The following FOCAD variants were observed in gnomAD, a reference collection of about 807,000 sequenced individuals.
FOCAD encodes the protein KIAA1797.
A neutral mutation model predicts 225.6 loss-of-function variants in FOCAD; 198 were observed. That is an observed-to-expected ratio of 0.88 (90% CI 0.78 to 0.99). FOCAD has a LOEUF of 0.99. Ranked by LOEUF, FOCAD falls within the 50% of genes least tolerant of loss-of-function variation. The probability of loss-of-function intolerance (pLI) is 0.00; values close to 1 mark genes in which losing one functional copy is unlikely to be tolerated. For synonymous variants in FOCAD, 897 were observed against 755.0 expected (o/e 1.19, Z -3.08); for missense variants, 2,713 against 2,123.6 (o/e 1.28, Z -5.46).
At chr9:20,934,577 CTATTCTGTTCCGTTGT>C (rs2132238401) in intron 28 of FOCAD, among the ~76,000 whole-genome samples, 1 of 151,294 alleles carries the variant, frequency 6.6e-6, no homozygotes, top group South Asian at 2.1e-4. Flanking sequence ...TCTGGGTTAT[CTATTCTGTTCCGTTGT>C]TCTATGTGCC....
In FOCAD at chr9:20,842,181, T is replaced by C. The variant is rs868797138; in HGVS notation, c.1920+19066T>C. On this transcript the variant is annotated intron_variant, in intron 15 of 43. Coordinates refer to ENST00000338382, the MANE Select transcript of FOCAD (RefSeq NM_001375567.1). The stretch of plus-strand genomic sequence containing the variant: ...TGTGGCCTAACCTTTGGTCTATCCA[T>C]GAAAATGATCTCTGTGCTTAGGAGA... Among the ~76,000 whole-genome samples, 9 of 152,066 alleles carry C rather than the reference T, an allele frequency of 5.9e-5. No individual in the cohort carries two copies. The South Asian group carries it at 1.5e-3, about 25-fold the overall frequency.
chr9:20,916,917 G>C lies in FOCAD; in HGVS notation c.2832G>C (p.Glu944Asp), dbSNP rs773217224. The C allele has an allele frequency of 8.7e-6, 14 of 1,604,554 alleles. No individual in the cohort carries two copies. Among genetic ancestry groups the C allele is most frequent in the Non-Finnish European group, 1.2e-5 (14 of 1,176,736 alleles). ...WLWVRDMLTD[E>D]ITKAAAKESP... ...GGGTTAGAGACATGCTGACTGATGA[G>C]ATCACCAAGGCAGCTGCAAAGTAAG... The change falls in exon 24 of 44, where the codon GAG becomes GAC. Residue 944 changes from glutamate (E) to aspartate (D), a missense_variant. Coordinates refer to ENST00000338382, the MANE Select transcript of FOCAD (RefSeq NM_001375567.1).
At chr9:20,963,036 A>G (rs1358776045) in intron 35 of FOCAD, among the ~76,000 whole-genome samples, 2 of 152,184 alleles carry the variant, frequency 1.3e-5, no homozygotes, top group Non-Finnish European at 2.9e-5. Context: ...TCCAGAATGC[A>G]TGAAACTGCC....
chr9:20,670,873 G>A (rs1822044703), intron 2 of FOCAD, among the ~76,000 whole-genome samples: 1 of 152,156 alleles, frequency 6.6e-6, no homozygotes, highest in Admixed American at 6.5e-5. Flanking sequence ...AGAACTGAAT[G>A]ATTTTTGGAT....
At chr9:20,695,536 A>C (rs1243362946) in intron 1 of FOCAD, among the ~76,000 whole-genome samples, 2 of 151,988 alleles carry the variant, frequency 1.3e-5, no homozygotes, top group Admixed American at 6.6e-5. Flanking sequence ...CCCTCATCCT[A>C]CATTTATACA....
At chr9:20,799,424 T>C (rs557214166) in intron 11 of FOCAD, among the ~76,000 whole-genome samples, 6 of 152,320 alleles carry the variant, frequency 3.9e-5, no homozygotes, top group East Asian at 1.9e-4. Context: ...GTCTCGTTGA[T>C]CTGTCTAATG....
chr9:20,752,723 G>A (rs989015930), intron 5 of FOCAD, among the ~76,000 whole-genome samples: 6 of 152,082 alleles, frequency 3.9e-5, no homozygotes, highest in Non-Finnish European at 5.9e-5. Flanking sequence ...GCTGGGGATG[G>A]CATTGAATGT....
In FOCAD at chr9:20,978,401, G is replaced by A; in HGVS notation, c.4324G>A (p.Ala1442Thr). 7 of 1,612,256 alleles carry A rather than the reference G, an allele frequency of 4.3e-6. No homozygotes were observed. The highest frequency in any genetic ancestry group is 5.9e-6 in the Non-Finnish European group (7 of 1,179,084). The change falls in exon 37 of 44, where the codon GCA becomes ACA. Residue 1442 changes from alanine to threonine, a missense_variant. Transcript: ENST00000338382. Reference sequence around the variant, plus strand: ...GACCCAGGCACAGTCATCCCAGAATGCAGCTGCACTATTGGGCTTGTGGGT... The same window carrying A: ...GACCCAGGCACAGTCATCCCAGAATACAGCTGCACTATTGGGCTTGTGGGT... ...MVTQAQSSQNAAALLGLWVTP... is the reference protein window; with the variant it reads ...MVTQAQSSQNTAALLGLWVTP...
Position 20,981,426 on chromosome 9 carries a change from C to T in FOCAD, c.4378C>T (p.Leu1460=). 6.2e-7 allele frequency: 1 copy of T among 1,613,688 alleles called. No individual in the cohort carries two copies. The highest frequency in any genetic ancestry group is 8.5e-7 in the Non-Finnish European group (1 of 1,179,642). Residue 1460 remains leucine, a splice_region_variant and synonymous_variant, in exon 38 of 44, where the codon CTG becomes TTG. Transcript: ENST00000338382. ...VTPPLIHSLS[L]NTKRYLLISA... ...TCAACCCCTTCTGTTTTACTTCCAG[C>T]TGAATACCAAGAGATATCTCCTGAT...
intron 15 of FOCAD, among the ~76,000 whole-genome samples, chr9:20,849,844 AAAG>A (rs1412811830): frequency 6.6e-6 from 1 of 151,846 alleles, no homozygotes; most frequent in African/African-American, 2.4e-5. Context: ...TACTCTGCAA[AAAG>A]AAGGCCTATC....
intron 15 of FOCAD, among the ~76,000 whole-genome samples, chr9:20,833,214 C>A (rs1825683111): frequency 6.6e-6 from 1 of 151,920 alleles, no homozygotes; most frequent in Admixed American, 6.6e-5. Context: ...GGTGATATCT[C>A]ATAGTGGTTT....
At chr9:20,944,832 A>G in intron 29 of FOCAD, 58 bp downstream of exon 29, 2 of 1,519,822 alleles carry the variant, frequency 1.3e-6, no homozygotes, top group Non-Finnish European at 8.9e-7. Flanking sequence ...TCTTCTTGCC[A>G]CTTATTTTGG....
Position 20,780,801 on chromosome 9 carries a change from T to C in FOCAD, c.995-926T>C, listed in dbSNP as rs556628134. 2.6e-4 allele frequency among the ~76,000 whole-genome samples: 40 copies of C among 152,348 alleles called. No homozygotes were observed. In the South Asian group the frequency reaches 8.1e-3, roughly 31 times the overall value. On this transcript the variant is annotated intron_variant, in intron 9 of 43. Coordinates refer to ENST00000338382, the MANE Select transcript of FOCAD (RefSeq NM_001375567.1). ...TATTAAAGATAATGGATTTTCATAA[T>C]ATCTCAGAAACAATTATGGATTAAG...
chr9:20,793,704 A>G (rs1225111511), intron 11 of FOCAD, among the ~76,000 whole-genome samples: 2 of 152,116 alleles, frequency 1.3e-5, no homozygotes, highest in Non-Finnish European at 2.9e-5. Context: ...CTTCCAACTG[A>G]TATCAGGGAC....
chr9:20,848,665 A>G (rs1827356433), intron 15 of FOCAD, among the ~76,000 whole-genome samples: 1 of 151,960 alleles, frequency 6.6e-6, no homozygotes, highest in African/African-American at 2.4e-5. Context: ...ACTATAAACC[A>G]CAGGGTTAAC....
At position 20,968,474 on chromosome 9, in the gene FOCAD, C is replaced by T. The variant is rs1301852267; in HGVS notation, c.4133-7946C>T. On this transcript the variant is annotated intron_variant, in intron 35 of 43. Transcript: ENST00000338382. The stretch of plus-strand genomic sequence containing the variant: ...TTTTTTTGGGAGAGTTAGAGTATTG[C>T]TGTGTCGCCCAGGCTGGAGTACAAT... 5.2e-5 allele frequency among the ~76,000 whole-genome samples: 5 copies of T among 95,320 alleles called. No homozygotes were observed. The Admixed American group carries it at 8.8e-4, about 17-fold the overall frequency. The allele number at this position is 95,320 out of a possible 152,430, so 62.5% of individuals were successfully genotyped here.
intron 2 of FOCAD, among the ~76,000 whole-genome samples, chr9:20,717,362 C>T (rs1445879132): frequency 3.3e-5 from 5 of 152,176 alleles, no homozygotes; most frequent in African/African-American, 1.2e-4. Context: ...TGTTGCTAGC[C>T]TATTGGCTCT....
At chr9:20,741,699 A>G (rs1463919079) in intron 5 of FOCAD, among the ~76,000 whole-genome samples, 2 of 10,420 alleles carry the variant, frequency 1.9e-4, no homozygotes, top group Non-Finnish European at 5.1e-4. Context: ...TTTTTTTTTT[A>G]ACATAGTGGT....
chr9:20,680,607 T>C (rs142332464), upstream of FOCAD, among the ~76,000 whole-genome samples: 266 of 152,196 alleles, frequency 1.7e-3, no homozygotes, highest in Middle Eastern at 0.024. Context: ...AGCAAGCTAT[T>C]CAATAGGTAT....
Sources: allele counts gnomAD v4.1 joint callset (sites outside exome capture counted in the v4.1 genomes callset), GRCh38; gene constraint gnomAD v4.1.1; transcripts MANE v1.5; gene names NCBI Gene and HGNC (gene_info 2026-07-23, HGNC 2026-07-21).